The following TLK1 variants were observed in gnomAD, a reference collection of about 807,000 sequenced individuals.
TLK1 encodes the protein tousled like kinase 1.
A neutral mutation model predicts 105.3 loss-of-function variants in TLK1; 24 were observed. The ratio of observed to expected loss-of-function variants is 0.23; its 90% CI spans 0.17 to 0.32. TLK1 has a LOEUF of 0.32. Among genes scored for constraint, TLK1 ranks in the 10% least tolerant of loss-of-function variants. The pLI is 1.00. For synonymous variants in TLK1, 321 were observed against 310.4 expected (o/e 1.03, Z -0.36); for missense variants, 558 against 910.5 (o/e 0.61, Z 4.98).
At position 171,006,646 on chromosome 2, in the gene TLK1, A is replaced by C; in HGVS notation, c.1599-3T>G. 6.2e-7 allele frequency: 1 copy of C among 1,612,062 alleles called. No homozygotes were observed. ...AGTATTCTAACACTGTACAAAACCT[A>C]CAACAGAGAAGAGAAAAAAATTAGA... On this transcript the variant is annotated splice_region_variant and splice_polypyrimidine_tract_variant and intron_variant, in intron 16 of 20. Transcript: ENST00000431350.
chr2:171,082,544 A>G (rs916657199), intron 3 of TLK1, among the ~76,000 whole-genome samples: 5 of 152,230 alleles, frequency 3.3e-5, no homozygotes, highest in African/African-American at 9.6e-5. Context: ...GAATATATAC[A>G]TATCATTCAT....
rs964924761 is a variant in TLK1, at chr2:171,204,055, GA to G, written c.-6+27089del. 9.7e-5 allele frequency among the ~76,000 whole-genome samples: 14 copies of G among 144,004 alleles called. No individual in the cohort carries two copies. The East Asian group carries it at 1.6e-3, about 16-fold the overall frequency. 94.5% of individuals were successfully genotyped at this position (144,004 alleles called of 152,430 possible). On this transcript the variant is annotated intron_variant, in intron 1 of 20. Coordinates refer to the TLK1 transcript ENST00000521943. ...GGTAACAGAGAGAGACTCTGTCTCA[GA>G]AAAAAAAAAGAAAAGATGATAAAAT... is the stretch of plus-strand genomic sequence containing the variant.
Position 171,196,961 on chromosome 2 carries a change from G to A in TLK1, c.-6+34184C>T, listed in dbSNP as rs549717582. On this transcript the variant is annotated intron_variant, in intron 1 of 20. Transcript: ENST00000521943. ...TTTCAAAGTAATGAGCATATAGCTA[G>A]AAGCTACATTTCACGTAAGTCATAA... Among the ~76,000 whole-genome samples the A allele has an allele frequency of 2.7e-3, 412 of 152,270 alleles. 1 individual carries two copies. Among genetic ancestry groups the A allele is most frequent in the African/African-American group, 9.2e-3 (383 of 41,558 alleles).
chr2:171,014,577 C>T (rs1296897677), intron 13 of TLK1, among the ~76,000 whole-genome samples: 1 of 151,728 alleles, frequency 6.6e-6, no homozygotes, highest in African/African-American at 2.4e-5. Flanking sequence ...GTAATTAAGC[C>T]AATTAGGTGT....
chr2:171,014,083 G>T (rs1259832957), intron 13 of TLK1, among the ~76,000 whole-genome samples: 4 of 152,096 alleles, frequency 2.6e-5, no homozygotes, highest in Non-Finnish European at 5.9e-5. Context: ...TGGGATACAT[G>T]GCTTACTGAA....
chr2:171,201,846 G>T lies in TLK1; in HGVS notation c.-6+29299C>A, dbSNP rs192493734. On this transcript the variant is annotated intron_variant, in intron 1 of 20. Transcript: ENST00000521943. The stretch of plus-strand genomic sequence containing the variant: ...GGCAGTGAGAACCTCAGCTCTGTGG[G>T]TCTAGACACCACTATGACTATGAAC... Among the ~76,000 whole-genome samples the T allele has an allele frequency of 2.0e-3, 300 of 152,264 alleles. 2 individuals carry two copies. Among genetic ancestry groups the T allele is most frequent in the African/African-American group, 6.1e-3 (254 of 41,544 alleles).
intron 18 of TLK1, among the ~76,000 whole-genome samples, chr2:171,004,378 G>A (rs1684547000): frequency 2.0e-5 from 3 of 151,050 alleles, no homozygotes; most frequent in African/African-American, 7.3e-5. Context: ...ACATAAAAGT[G>A]GACCCATGCA....
chr2:171,115,558 T>C (rs1690386044), intron 2 of TLK1, among the ~76,000 whole-genome samples: 1 of 152,124 alleles, frequency 6.6e-6, no homozygotes, highest in Non-Finnish European at 1.5e-5. Flanking sequence ...ATTCAAAAAT[T>C]TTCATTTTCC....
intron 2 of TLK1, among the ~76,000 whole-genome samples, chr2:171,101,346 C>CAAAAAAAAAAAAAAAAAAAAA (rs71401403): frequency 2.5e-4 from 16 of 63,490 alleles, no homozygotes; most frequent in African/African-American, 1.1e-3. Flanking sequence ...AACTCCGTCT[C>CAAAAAAAAAAAAAAAAAAAAA]AAAAAAAAAA....
chr2:171,072,910 C>G (rs1164807235), intron 3 of TLK1, among the ~76,000 whole-genome samples: 1 of 120,858 alleles, frequency 8.3e-6, no homozygotes, highest in Non-Finnish European at 1.6e-5. Flanking sequence ...GCCTGGGCAA[C>G]AGAGCAAGAC....
chr2:171,217,827 A>ATG (rs1163256623), intron 1 of TLK1, among the ~76,000 whole-genome samples: 2 of 152,230 alleles, frequency 1.3e-5, no homozygotes, highest in African/African-American at 4.8e-5. Flanking sequence ...CTGCATATAT[A>ATG]TGTGTGACTA....
chr2:171,217,551 G>T (rs1693737770), intron 1 of TLK1, among the ~76,000 whole-genome samples: 1 of 152,170 alleles, frequency 6.6e-6, no homozygotes, highest in African/African-American at 2.4e-5. Flanking sequence ...ACAGCAGGAG[G>T]GAGGAACACA....
At chr2:171,046,015 T>C (rs1166661851) in intron 11 of TLK1, 159 bp downstream of exon 11, 8 of 554,702 alleles carry the variant, frequency 1.4e-5, no homozygotes, top group South Asian at 4.4e-5. Flanking sequence ...ATTCAGATAT[T>C]TGGGGCTATT....
intron 10 of TLK1, among the ~76,000 whole-genome samples, chr2:171,048,570 T>C (rs1028625712): frequency 1.9e-4 from 7 of 37,556 alleles, no homozygotes; most frequent in African/African-American, 3.5e-4. Flanking sequence ...GTAGATATCA[T>C]TCCGATCACG....
chr2:171,013,095 C>T (rs559922759), intron 13 of TLK1, among the ~76,000 whole-genome samples: 2 of 151,692 alleles, frequency 1.3e-5, no homozygotes, highest in African/African-American at 4.8e-5. Context: ...GTGGCGCAAC[C>T]TCCGCCTCCC....
intron 1 of TLK1, among the ~76,000 whole-genome samples, chr2:171,206,374 A>G (rs1310810803): frequency 6.6e-6 from 1 of 152,198 alleles, no homozygotes; most frequent in Non-Finnish European, 1.5e-5. Flanking sequence ...TTATAATGAA[A>G]AACAGTAAGA....
intron 2 of TLK1, among the ~76,000 whole-genome samples, chr2:171,112,241 C>T (rs144095859): frequency 0.013 from 1,952 of 152,270 alleles, 35 homozygotes; most frequent in African/African-American, 0.041. Flanking sequence ...TGAGCCACCA[C>T]GCCTGGCCTG....
intron 1 of TLK1, among the ~76,000 whole-genome samples, chr2:171,216,930 G>A (rs1300154057): frequency 6.6e-6 from 1 of 152,174 alleles, no homozygotes; most frequent in Non-Finnish European, 1.5e-5. Context: ...ATGCAGCCCT[G>A]CCTTGATTTC....
intron 1 of TLK1, chr2:171,155,637 T>C (rs1692203814): frequency 6.6e-6 from 1 of 152,184 alleles, no homozygotes; most frequent in African/African-American, 2.4e-5. Flanking sequence ...ATAGCACTCA[T>C]CGTAAGAATC....
Sources: allele counts gnomAD v4.1 joint callset (sites outside exome capture counted in the v4.1 genomes callset), GRCh38; gene constraint gnomAD v4.1.1; transcripts MANE v1.5; gene names NCBI Gene and HGNC (gene_info 2026-07-23, HGNC 2026-07-21).